Variants in ADCY8 observed in about 807,000 individuals in gnomAD.
ADCY8 encodes the protein adenylate cyclase type 8.
A neutral mutation model predicts 119.7 loss-of-function variants in ADCY8; 51 were observed. That is an observed-to-expected ratio of 0.43 (90% CI 0.34 to 0.54). ADCY8 has a LOEUF of 0.54. Ranked by LOEUF, ADCY8 falls within the 20% of genes least tolerant of loss-of-function variation. ADCY8 has a pLI of 0.03. For synonymous variants in ADCY8, 665 were observed against 651.0 expected, an observed-to-expected ratio of 1.02 and a Z score of -0.33; for missense variants, 1,383 against 1,598.8, an observed-to-expected ratio of 0.87 and a Z score of 2.30.
At chr8:130,847,339 G>T in intron 11 of ADCY8, 85 bp downstream of exon 11, 2 of 960,294 alleles carry the variant, frequency 2.1e-6, no homozygotes, top group Non-Finnish European at 3.2e-6. Context: ...ATTTTCTATG[G>T]CCCTTCAGCC....
At chr8:131,007,934 T>G (rs950439958) in intron 1 of ADCY8, among the ~76,000 whole-genome samples, 5 of 152,182 alleles carry the variant, frequency 3.3e-5, no homozygotes, top group African/African-American at 1.2e-4. Context: ...CAGCTGATTT[T>G]ATTGAATATC....
intron 4 of ADCY8, among the ~76,000 whole-genome samples, chr8:130,941,350 C>T (rs1820950063): frequency 6.6e-6 from 1 of 152,166 alleles, no homozygotes; most frequent in South Asian, 2.1e-4. Flanking sequence ...TCTTTTCAGT[C>T]TTGCGCAGTA....
chr8:130,925,837 A>G (rs1820450022), intron 5 of ADCY8, among the ~76,000 whole-genome samples: 1 of 152,088 alleles, frequency 6.6e-6, no homozygotes, highest in Non-Finnish European at 1.5e-5. Flanking sequence ...TTTCTATTTC[A>G]CAGCTGCTGC....
intron 7 of ADCY8, among the ~76,000 whole-genome samples, chr8:130,891,386 G>C (rs1026050928): frequency 2.6e-5 from 4 of 152,178 alleles, no homozygotes; most frequent in East Asian, 1.9e-4. Flanking sequence ...GGAAGAGAAG[G>C]CTTCTACTTT....
intron 1 of ADCY8, among the ~76,000 whole-genome samples, chr8:131,039,138 C>T (rs936684499): frequency 1.3e-5 from 2 of 152,220 alleles, no homozygotes; most frequent in Non-Finnish European, 2.9e-5. Flanking sequence ...AGTAGAATTA[C>T]TCATAGAATC....
intron 8 of ADCY8, among the ~76,000 whole-genome samples, chr8:130,877,814 T>C (rs1360359195): frequency 6.6e-6 from 1 of 152,172 alleles, no homozygotes; most frequent in Non-Finnish European, 1.5e-5. Flanking sequence ...TCACTGCTTG[T>C]GCTCCAGTGA....
At chr8:131,004,143 T>C (rs1421111801) in intron 1 of ADCY8, among the ~76,000 whole-genome samples, 2 of 152,234 alleles carry the variant, frequency 1.3e-5, no homozygotes, top group East Asian at 3.9e-4. Flanking sequence ...AGAGGGTGGA[T>C]GTAGTCTAGT....
chr8:130,885,466 A>G (rs1357910787), intron 7 of ADCY8, among the ~76,000 whole-genome samples: 1 of 152,106 alleles, frequency 6.6e-6, no homozygotes, highest in East Asian at 1.9e-4. Flanking sequence ...GGGGAAAGGC[A>G]TAACCACCAC....
At chr8:130,877,032 A>T (rs1818592940) in intron 8 of ADCY8, among the ~76,000 whole-genome samples, 2 of 152,208 alleles carry the variant, frequency 1.3e-5, no homozygotes, top group African/African-American at 4.8e-5. Flanking sequence ...TACCTGTCAA[A>T]TAGTACAATT....
intron 1 of ADCY8, among the ~76,000 whole-genome samples, chr8:131,000,677 T>C (rs1822915280): frequency 6.6e-6 from 1 of 152,028 alleles, no homozygotes; most frequent in African/African-American, 2.4e-5. Context: ...AGAGCCTGAA[T>C]TATAACAGCT....
At chr8:130,972,567 C>T (rs1159048648) in intron 2 of ADCY8, among the ~76,000 whole-genome samples, 2 of 152,032 alleles carry the variant, frequency 1.3e-5, no homozygotes, top group Admixed American at 6.6e-5. Flanking sequence ...AATAGCTTCC[C>T]GAGTCTGAAA....
chr8:130,994,777 A>AT (rs1359137144), intron 1 of ADCY8, among the ~76,000 whole-genome samples: 14 of 152,014 alleles, frequency 9.2e-5, no homozygotes, highest in Admixed American at 6.6e-4. Flanking sequence ...TAGTTCCTTT[A>AT]TTTTTACTGC....
Position 130,800,511 on chromosome 8 carries a change from G to T in ADCY8, c.2975C>A (p.Ala992Glu). The change falls in exon 15 of 18, where the codon GCG becomes GAG. Residue 992 changes from alanine (A) to glutamate (E), a missense_variant. Coordinates refer to ENST00000286355, the MANE Select transcript of ADCY8 (RefSeq NM_001115.3). ...CATTTCAGTCTGAGAGTAAAAGTCC[G>T]CAAATCCTGGGATGGAGGCAAACAT... ...GVMFASIPGF[A>E]DFYSQTEMNN... The T allele has an allele frequency of 1.2e-6, 2 of 1,614,148 alleles. No homozygotes were observed. Among genetic ancestry groups the T allele is most frequent in the Non-Finnish European group, 1.7e-6 (2 of 1,180,036 alleles).
At chr8:130,809,727 C>G (rs566165602) in intron 14 of ADCY8, among the ~76,000 whole-genome samples, 1 of 152,176 alleles carries the variant, frequency 6.6e-6, no homozygotes, top group East Asian at 1.9e-4. Context: ...TGGCTTAATA[C>G]GTTGGGATTT....
chr8:130,814,559 C>A (rs1816277565), intron 13 of ADCY8, among the ~76,000 whole-genome samples: 2 of 152,176 alleles, frequency 1.3e-5, no homozygotes. Flanking sequence ...AATCAAAATA[C>A]ACCCAAGACT....
intron 1 of ADCY8, among the ~76,000 whole-genome samples, chr8:131,032,616 T>C (rs1387702998): frequency 3.9e-4 from 60 of 152,136 alleles, no homozygotes; most frequent in Admixed American, 3.7e-3. Flanking sequence ...GTCTGGCATC[T>C]CCATAGTTAA....
At chr8:130,877,778 T>A (rs968035672) in intron 8 of ADCY8, among the ~76,000 whole-genome samples, 3 of 152,126 alleles carry the variant, frequency 2.0e-5, no homozygotes, top group African/African-American at 7.2e-5. Context: ...CCTACAAATT[T>A]AAACACATCT....
rs770975076 is a variant in ADCY8, at chr8:131,039,999, C to G, written c.335G>C (p.Arg112Pro). Reference protein sequence around the residue: ...STCGTKVFPERSGSGSASGSG... With the variant: ...STCGTKVFPEPSGSGSASGSG... ...GCCGCTGGCACTGCCGCTCCCGCTG[C>G]GTTCCGGGAAGACTTTGGTGCCGCA... is the stretch of plus-strand genomic sequence containing the variant. Residue 112 changes from arginine to proline, a missense_variant, in exon 1 of 18, where the codon CGC becomes CCC. Arg to Pro is a moderately radical substitution (Grantham distance 103, BLOSUM62 -2). Coordinates refer to ENST00000286355, the MANE Select transcript of ADCY8 (RefSeq NM_001115.3). The G allele has an allele frequency of 1.9e-5, 30 of 1,566,084 alleles. No homozygotes were observed. Among genetic ancestry groups the G allele is most frequent in the Non-Finnish European group, 2.5e-5 (29 of 1,157,402 alleles).
chr8:130,943,881 A>G (rs919311066), intron 3 of ADCY8, among the ~76,000 whole-genome samples: 2 of 152,224 alleles, frequency 1.3e-5, no homozygotes, highest in Non-Finnish European at 2.9e-5. Context: ...GGCAGAACCG[A>G]AAACCTCATC....
Sources: gnomAD v4.1 joint callset for allele counts (sites outside exome capture counted in the v4.1 genomes callset) on GRCh38, gnomAD v4.1.1 for gene constraint, MANE v1.5 for transcripts, NCBI Gene and HGNC (gene_info 2026-07-23, HGNC 2026-07-21) for gene names.